Variants in NFATC1 observed in about 807,000 individuals in gnomAD.
NFATC1 encodes nuclear factor of activated T cells 1, also known as nuclear factor of activated T-cells, cytoplasmic 1.
In NFATC1, 22 loss-of-function variants were observed where a neutral mutation model predicts 76.0. The ratio of observed to expected loss-of-function variants is 0.29; its 90% CI spans 0.21 to 0.41. The LOEUF (loss-of-function observed/expected upper bound fraction) is 0.41. Ranked by LOEUF, NFATC1 falls within the 10% of genes least tolerant of loss-of-function variation. The probability of loss-of-function intolerance (pLI) is 1.00; values close to 1 mark genes in which losing one functional copy is unlikely to be tolerated. For synonymous variants in NFATC1, 704 were observed against 613.1 expected (o/e 1.15, Z -2.19); for missense variants, 1,357 against 1,337.7 (o/e 1.01, Z -0.23).
At position 79,402,409 on chromosome 18, in the gene NFATC1, C is replaced by T. The variant is rs903997862; in HGVS notation, c.127+6058C>T. 1.6e-4 allele frequency: 155 copies of T among 984,816 alleles called. No homozygotes were observed. In the African/African-American group the frequency reaches 2.6e-3, roughly 16 times the overall value. The allele number at this position is 984,816 out of a possible 1,614,324, so 61.0% of individuals were successfully genotyped here. ...TCAGGACACAGTCCTCCCCGGCACC[C>T]ACCGGGCTCATTCCCCCAAAACACT... On this transcript the variant is annotated intron_variant, in intron 1 of 9. Transcript: ENST00000427363.
chr18:79,475,706 C>G (rs2089039013), intron 8 of NFATC1, among the ~76,000 whole-genome samples: 1 of 152,254 alleles, frequency 6.6e-6, no homozygotes, highest in South Asian at 2.1e-4. Context: ...GCTGGCCCCA[C>G]CAGGCCTCCC....
intron 9 of NFATC1, among the ~76,000 whole-genome samples, chr18:79,494,052 C>T (rs918646363): frequency 7.2e-5 from 11 of 152,204 alleles, no homozygotes; most frequent in African/African-American, 2.7e-4. Context: ...CGAGGTGAGG[C>T]GGCCACCAGA....
intron 3 of NFATC1, among the ~76,000 whole-genome samples, chr18:79,446,181 C>T (rs2087198472): frequency 6.6e-6 from 1 of 152,166 alleles, no homozygotes; most frequent in Admixed American, 6.5e-5. Flanking sequence ...TTAAAATGAA[C>T]TTCATGTTTT....
At chr18:79,469,687 C>A in intron 8 of NFATC1, 1 of 985,952 alleles carries the variant, frequency 1.0e-6, no homozygotes, top group Non-Finnish European at 1.2e-6. Flanking sequence ...CCAGGTTCCC[C>A]AGGCTCACCC....
rs188270002 is a variant in NFATC1, at chr18:79,401,656, G to A, written c.127+5305G>A. 2.1e-3 allele frequency among the ~76,000 whole-genome samples: 318 copies of A among 152,362 alleles called. 4 individuals are homozygous for A. The highest frequency in any genetic ancestry group is 3.2e-3 in the Non-Finnish European group (215 of 68,030). The stretch of plus-strand genomic sequence containing the variant: ...TTCTACCTGGGTGTGCCATGCGAGA[G>A]TGTCGCCCCACTCCCGACCTCTCTT... On this transcript the variant is annotated intron_variant, in intron 1 of 9. Transcript: ENST00000427363.
At chr18:79,455,418 G>A (rs955672885) in intron 6 of NFATC1, among the ~76,000 whole-genome samples, 4 of 152,174 alleles carry the variant, frequency 2.6e-5, no homozygotes, top group East Asian at 1.9e-4. Context: ...GCCCCTCTAC[G>A]TGGCCTCCCG....
chr18:79,485,674 C>T (rs1055068514), intron 8 of NFATC1, among the ~76,000 whole-genome samples: 6 of 152,212 alleles, frequency 3.9e-5, no homozygotes, highest in African/African-American at 1.2e-4. Flanking sequence ...CAAGGCTGCC[C>T]GGTCACAGCC....
chr18:79,473,258 C>T (rs1343706662), intron 8 of NFATC1, among the ~76,000 whole-genome samples: 1 of 152,282 alleles, frequency 6.6e-6, no homozygotes, highest in Non-Finnish European at 1.5e-5. Context: ...GTGGGCCCCT[C>T]ATCCCTGTTC....
chr18:79,435,337 T>TTTTTTGG (rs138068643), intron 3 of NFATC1, among the ~76,000 whole-genome samples: 86,913 of 124,920 alleles, frequency 0.7, 26,584 homozygotes, highest in South Asian at 0.79. Flanking sequence ...GTTTGTTTTG[T>TTTTTTGG]TTTTTGGTTT....
chr18:79,439,558 C>T (rs1020192719), intron 3 of NFATC1, among the ~76,000 whole-genome samples: 1 of 152,180 alleles, frequency 6.6e-6, no homozygotes, highest in Non-Finnish European at 1.5e-5. Flanking sequence ...GGCGAATGAC[C>T]GTCACTTCCC....
intron 3 of NFATC1, among the ~76,000 whole-genome samples, chr18:79,445,562 C>T (rs549511099): frequency 3.9e-4 from 59 of 152,334 alleles, no homozygotes; most frequent in South Asian, 2.5e-3. Context: ...GTTCACACAG[C>T]GTGGCAATCT....
At chr18:79,467,354 G>A (rs557120434) in intron 7 of NFATC1, 96 bp from the exon 8 acceptor site, 33 of 1,255,370 alleles carry the variant, frequency 2.6e-5, no homozygotes, top group African/African-American at 1.1e-4. Context: ...CCGTGTGGCC[G>A]CCGTGGAAAC....
chr18:79,476,671 G>A (rs1232480453), intron 8 of NFATC1, among the ~76,000 whole-genome samples: 1 of 152,136 alleles, frequency 6.6e-6, no homozygotes, highest in Non-Finnish European at 1.5e-5. Context: ...TAAACCTGAG[G>A]GAAAGGGAAT....
At chr18:79,487,899 T>C (rs925898360) in intron 9 of NFATC1, among the ~76,000 whole-genome samples, 4 of 152,198 alleles carry the variant, frequency 2.6e-5, no homozygotes, top group African/African-American at 9.7e-5. Context: ...GAATGGTTTG[T>C]GTGGGAATTG....
At chr18:79,451,176 G>A (rs755198822) in intron 5 of NFATC1, 50 bp downstream of exon 5, 1 of 1,560,764 alleles carries the variant, frequency 6.4e-7, no homozygotes, top group Non-Finnish European at 8.7e-7. Context: ...CCCGTCACAT[G>A]CGCTTCACTG....
rs116057239 is a variant in NFATC1 at position 79,445,884 on chromosome 18, C to T, written c.1387-2898C>T. Among the ~76,000 whole-genome samples the T allele has an allele frequency of 3.7e-3, 563 of 152,310 alleles. 2 individuals carry two copies. Among genetic ancestry groups the T allele is most frequent in the African/African-American group, 0.013 (533 of 41,566 alleles). ...CCTGGGTGCACGCAGCTGAGTTCCACGTTGAATAAATTTGGCCTCAATCAT... is the reference window on the plus strand; with the variant it reads ...CCTGGGTGCACGCAGCTGAGTTCCATGTTGAATAAATTTGGCCTCAATCAT... On this transcript the variant is annotated intron_variant, in intron 3 of 9. Transcript: ENST00000427363.
At chr18:79,453,419 C>T (rs1276758140) in intron 6 of NFATC1, among the ~76,000 whole-genome samples, 5 of 152,256 alleles carry the variant, frequency 3.3e-5, no homozygotes, top group Non-Finnish European at 7.3e-5. Context: ...GTAAGGGCAG[C>T]CACCAGCCTG....
intron 1 of NFATC1, among the ~76,000 whole-genome samples, chr18:79,405,738 C>T (rs985567135): frequency 8.5e-5 from 13 of 152,236 alleles, no homozygotes; most frequent in East Asian, 3.8e-4. Context: ...TCAGGGAAAA[C>T]GCATGCTTAG....
At chr18:79,486,994 A>G (rs1294920895) in intron 9 of NFATC1, 57 bp downstream of exon 9, 2 of 1,520,994 alleles carry the variant, frequency 1.3e-6, no homozygotes, top group African/African-American at 1.4e-5. Context: ...GCGTGAGCTC[A>G]TGGAGGGGCC....
Sources: allele counts gnomAD v4.1 joint callset (sites outside exome capture counted in the v4.1 genomes callset), GRCh38; gene constraint gnomAD v4.1.1; transcripts MANE v1.5; gene names NCBI Gene and HGNC (gene_info 2026-07-23, HGNC 2026-07-21).